The following DCC variants were observed in gnomAD, a reference collection of about 807,000 sequenced individuals.
The protein encoded by DCC is netrin receptor DCC.
DCC carries 58 observed loss-of-function variants against 172.5 expected under a neutral mutation model. The observed-to-expected ratio is 0.34, with a 90% CI of 0.27 to 0.42. The LOEUF (loss-of-function observed/expected upper bound fraction) is 0.42, where lower values mean the gene tolerates loss of function less well. DCC is among the 10% of genes least tolerant of loss of function. DCC has a pLI of 1.00. For missense variants in DCC, 1,740 were observed against 1,791.0 expected, an observed-to-expected ratio of 0.97 and a Z score of 0.51; for synonymous variants, 709 against 644.5, an observed-to-expected ratio of 1.10 and a Z score of -1.52.
intron 1 of DCC, among the ~76,000 whole-genome samples, chr18:52,676,218 T>G (rs533161642): frequency 6.6e-6 from 1 of 152,300 alleles, no homozygotes; most frequent in East Asian, 1.9e-4. Context: ...GAGTCTCAGG[T>G]TTAACCATTC....
At chr18:53,436,549 G>A (rs1911952773) in intron 22 of DCC, among the ~76,000 whole-genome samples, 1 of 152,110 alleles carries the variant, frequency 6.6e-6, no homozygotes, top group Non-Finnish European at 1.5e-5. Context: ...ATTTTCCCAA[G>A]AGGATATATA....
intron 2 of DCC, among the ~76,000 whole-genome samples, chr18:52,821,634 A>T (rs1159646045): frequency 6.6e-6 from 1 of 152,188 alleles, no homozygotes. Flanking sequence ...GGGAAATCCA[A>T]TGGTCTGCCT....
intron 23 of DCC, among the ~76,000 whole-genome samples, chr18:53,458,932 C>G (rs1026341643): frequency 1.3e-5 from 2 of 152,148 alleles, no homozygotes; most frequent in African/African-American, 2.4e-5. Context: ...GCATATGGTT[C>G]CATCTAACCC....
intron 5 of DCC, among the ~76,000 whole-genome samples, chr18:53,006,730 G>A (rs1474958806): frequency 6.6e-6 from 1 of 152,200 alleles, no homozygotes; most frequent in African/African-American, 2.4e-5. Context: ...AAACTATCAT[G>A]TAAGCACAGC....
rs539327377 is a variant in DCC, at chr18:52,645,658, G to A, written c.92-106396G>A. Among the ~76,000 whole-genome samples, 8 of 152,158 alleles carry A rather than the reference G, an allele frequency of 5.3e-5. No individual in the cohort carries two copies. In the South Asian group the frequency reaches 1.5e-3, roughly 28 times the overall value. ...TCATAAAGAATAAAAACAAAAGCTC[G>A]TTGGTGTGAATTTAAAAATAAAAAA... On this transcript the variant is annotated intron_variant, in intron 1 of 28. Coordinates refer to ENST00000442544, the MANE Select transcript of DCC (RefSeq NM_005215.4).
chr18:53,119,667 CTG>C (rs1294469926), intron 7 of DCC, among the ~76,000 whole-genome samples: 1 of 151,866 alleles, frequency 6.6e-6, no homozygotes, highest in Non-Finnish European at 1.5e-5. Context: ...ACATGTGGCT[CTG>C]TGGAGAATTA....
In DCC at chr18:52,609,122, T is replaced by G. The variant is rs533484054; in HGVS notation, c.92-142932T>G. ...ATATAAAGGTGTGCTTTTCTATTTT[T>G]TGACAGGAAGGAATATTTGATTCAT... On this transcript the variant is annotated intron_variant, in intron 1 of 28. Transcript: ENST00000442544. Among the ~76,000 whole-genome samples the G allele has an allele frequency of 4.6e-5, 7 of 152,322 alleles. No individual in the cohort carries two copies. In the East Asian group the frequency reaches 1.2e-3, roughly 25 times the overall value.
intron 1 of DCC, among the ~76,000 whole-genome samples, chr18:52,429,064 CCTTT>C (rs1470734879): frequency 6.6e-6 from 1 of 152,032 alleles, no homozygotes; most frequent in African/African-American, 2.4e-5. Flanking sequence ...CATCCCCTTG[CCTTT>C]CTAAGATCTA....
At chr18:52,535,612 T>C (rs1017876152) in intron 1 of DCC, among the ~76,000 whole-genome samples, 1 of 152,176 alleles carries the variant, frequency 6.6e-6, no homozygotes, top group Non-Finnish European at 1.5e-5. Context: ...CCAGAATTAA[T>C]TGGGAAAATT....
intron 5 of DCC, among the ~76,000 whole-genome samples, chr18:52,993,720 A>G (rs56775657): frequency 0.023 from 3,532 of 152,192 alleles, 133 homozygotes; most frequent in African/African-American, 0.077. Context: ...TCCTGGGTGC[A>G]TATTTCTGCT....
chr18:52,692,848 TTACC>T (rs1161607287), intron 1 of DCC, among the ~76,000 whole-genome samples: 1 of 152,106 alleles, frequency 6.6e-6, no homozygotes, highest in East Asian at 1.9e-4. Flanking sequence ...AAATCAGATA[TTACC>T]AAGTATAAAA....
At chr18:52,824,575 TGA>T (rs1316227064) in intron 2 of DCC, among the ~76,000 whole-genome samples, 1 of 151,578 alleles carries the variant, frequency 6.6e-6, no homozygotes, top group Non-Finnish European at 1.5e-5. Context: ...GCTTGTACAT[TGA>T]GAGGGGAAGG....
intron 2 of DCC, among the ~76,000 whole-genome samples, chr18:52,823,899 C>G (rs534960599): frequency 6.6e-6 from 1 of 152,272 alleles, no homozygotes; most frequent in South Asian, 2.1e-4. Context: ...CAAAGGGAAT[C>G]TAGGACTAGA....
chr18:52,407,213 A>AT (rs1280498106), intron 1 of DCC, among the ~76,000 whole-genome samples: 2 of 152,062 alleles, frequency 1.3e-5, no homozygotes, highest in Non-Finnish European at 2.9e-5. Flanking sequence ...TCCTGAGTCT[A>AT]TCCTACAGTC....
chr18:52,506,403 G>T (rs994283102), intron 1 of DCC, among the ~76,000 whole-genome samples: 2 of 151,924 alleles, frequency 1.3e-5, no homozygotes, highest in African/African-American at 4.8e-5. Flanking sequence ...GATATAATAG[G>T]GTTTAGCTGG....
rs545297287 is a variant in DCC at position 53,337,221 on chromosome 18, A to T, written c.2165-2492A>T. On this transcript the variant is annotated intron_variant, in intron 14 of 28. Transcript: ENST00000442544. ...ACAGTTTTTCCTTTTATTCTAAAAG[A>T]TGTTAAATATTGTCATTAAAATCAT... Among the ~76,000 whole-genome samples the T allele has an allele frequency of 5.6e-3, 851 of 152,360 alleles. 6 individuals carry two copies. Among genetic ancestry groups the T allele is most frequent in the Admixed American group, 0.024 (374 of 15,298 alleles).
intron 1 of DCC, among the ~76,000 whole-genome samples, chr18:52,508,328 A>G (rs2031312295): frequency 6.6e-6 from 1 of 152,182 alleles, no homozygotes; most frequent in South Asian, 2.1e-4. Flanking sequence ...ACATTTTATC[A>G]TTAATACAAA....
At chr18:52,829,394 C>T (rs1568130186) in intron 2 of DCC, among the ~76,000 whole-genome samples, 2 of 152,198 alleles carry the variant, frequency 1.3e-5, no homozygotes, top group Admixed American at 6.5e-5. Context: ...ATTTACCCAT[C>T]ATCTCTAAAG....
intron 2 of DCC, among the ~76,000 whole-genome samples, chr18:52,867,766 C>G (rs1026150305): frequency 3.3e-5 from 5 of 151,920 alleles, no homozygotes; most frequent in African/African-American, 9.7e-5. Flanking sequence ...GACTTATGAC[C>G]CTATAGCGTT....
Sources: allele counts gnomAD v4.1 joint callset (sites outside exome capture counted in the v4.1 genomes callset), GRCh38; gene constraint gnomAD v4.1.1; transcripts MANE v1.5; gene names NCBI Gene and HGNC (gene_info 2026-07-23, HGNC 2026-07-21).